Variants in SEC22C observed in about 807,000 individuals in gnomAD.
SEC22C encodes the protein SEC22 homolog C, vesicle trafficking protein, also known as vesicle-trafficking protein SEC22c.
Under a neutral mutation model 34.7 loss-of-function variants are expected in SEC22C, and 29 were observed. The ratio of observed to expected loss-of-function variants is 0.84; its 90% confidence interval spans 0.62 to 1.14. The LOEUF (loss-of-function observed/expected upper bound fraction) is 1.14, where lower values mean the gene tolerates loss of function less well. SEC22C is among the 50% of genes most tolerant of loss of function. The pLI is 0.00. For missense variants in SEC22C, 337 were observed against 369.0 expected (o/e 0.91, Z 0.71); for synonymous variants, 117 against 132.8 (o/e 0.88, Z 0.82).
intron 4 of SEC22C, among the ~76,000 whole-genome samples, chr3:42,560,204 T>C (rs941661466): frequency 6.8e-6 from 1 of 146,322 alleles, no homozygotes; most frequent in African/African-American, 2.5e-5. Flanking sequence ...ATATATAATA[T>C]ATATAATACC....
intron 1 of SEC22C, among the ~76,000 whole-genome samples, chr3:42,599,824 T>C (rs1006683787): frequency 1.3e-5 from 2 of 152,218 alleles, no homozygotes; most frequent in Admixed American, 1.3e-4. Context: ...ACTTACACGT[T>C]AAAGACTATG....
chr3:42,591,503 CT>C (rs754142063), intron 1 of SEC22C: 1 of 1,603,034 alleles, frequency 6.2e-7, no homozygotes, highest in Non-Finnish European at 8.5e-7. Flanking sequence ...TGCACTGACC[CT>C]TTCTTTCTCT....
At chr3:42,578,412 G>C (rs1032405498) in intron 1 of SEC22C, among the ~76,000 whole-genome samples, 4 of 152,158 alleles carry the variant, frequency 2.6e-5, no homozygotes, top group African/African-American at 4.8e-5. Flanking sequence ...AGAGGTTAGG[G>C]ATGGTAGAGA....
At chr3:42,567,168 C>T (rs1703302997) in intron 2 of SEC22C, among the ~76,000 whole-genome samples, 1 of 152,194 alleles carries the variant, frequency 6.6e-6, no homozygotes, top group Non-Finnish European at 1.5e-5. Flanking sequence ...TCCCAAAGTG[C>T]TGGGATTACA....
At chr3:42,590,663 C>T in intron 1 of SEC22C, 2 of 599,086 alleles carry the variant, frequency 3.3e-6, no homozygotes, top group South Asian at 2.0e-5. Flanking sequence ...CAGCCCCAAC[C>T]CACAAGTTTC....
At position 42,552,937 on chromosome 3, in the gene SEC22C, T is replaced by C. The variant is rs1361499247; in HGVS notation, c.*311A>G. On this transcript the variant is annotated 3_prime_UTR_variant, in exon 7 of 7. Coordinates refer to ENST00000264454, the MANE Select transcript of SEC22C (RefSeq NM_032970.4). ...AAGTGGTTTACTGTATCATTCAACT[T>C]AAAAGACCAAAATATTTCCTTTCTC... 1 of 1,133,838 alleles carries C rather than the reference T, an allele frequency of 8.8e-7. No individual in the cohort carries two copies. Among genetic ancestry groups the C allele is most frequent in the Non-Finnish European group, 1.1e-6 (1 of 921,420 alleles). 70.2% of individuals were successfully genotyped at this position (1,133,838 alleles called of 1,614,324 possible).
intron 4 of SEC22C, 55 bp from the exon 5 acceptor site, chr3:42,557,751 A>ATTTTT: frequency 1.1e-6 from 1 of 875,260 alleles, no homozygotes; most frequent in Non-Finnish European, 1.9e-6. Context: ...ACATGAAAGA[A>ATTTTT]AAATAAACGA....
chr3:42,576,632 A>G (rs1703980946), intron 1 of SEC22C, among the ~76,000 whole-genome samples: 1 of 152,148 alleles, frequency 6.6e-6, no homozygotes, highest in African/African-American at 2.4e-5. Flanking sequence ...TCAAAGTGCT[A>G]AATAAATGGG....
intron 4 of SEC22C, among the ~76,000 whole-genome samples, chr3:42,558,424 G>A (rs1427946238): frequency 6.7e-6 from 1 of 150,228 alleles, no homozygotes; most frequent in Non-Finnish European, 1.5e-5. Flanking sequence ...GGAGGTTGAG[G>A]CTGCAGTGAG....
In SEC22C at chr3:42,565,221, T is replaced by C. The variant is rs564877049; in HGVS notation, c.183-1535A>G. ...TCTTAGGATTTCTTTCTTTCAAGAT[T>C]AACTACACATTTAAAGTAATTGTCG... On this transcript the variant is annotated intron_variant, in intron 2 of 6. Coordinates refer to ENST00000264454, the MANE Select transcript of SEC22C (RefSeq NM_032970.4). Among the ~76,000 whole-genome samples the C allele has an allele frequency of 2.8e-3, 433 of 152,346 alleles. 1 individual carries two copies. The highest frequency in any genetic ancestry group is 5.4e-3 in the Non-Finnish European group (364 of 68,024).
At chr3:42,560,172 T>A (rs961406310) in intron 4 of SEC22C, among the ~76,000 whole-genome samples, 20 of 145,480 alleles carry the variant, frequency 1.4e-4, no homozygotes, top group Non-Finnish European at 2.4e-4. Context: ...TATATATATT[T>A]TATATATAAT....
At chr3:42,569,860 C>T (rs771702345) in intron 1 of SEC22C, among the ~76,000 whole-genome samples, 2 of 152,176 alleles carry the variant, frequency 1.3e-5, no homozygotes, top group Non-Finnish European at 2.9e-5. Flanking sequence ...AGGCCTGCAC[C>T]ATTTCTGCTA....
exon 1 of SEC22C, chr3:42,601,007 A>G: frequency 6.4e-7 from 1 of 1,563,222 alleles, no homozygotes. Context: ...CTCGGTCGCG[A>G]TGGGGGCGCA....
At chr3:42,591,038 G>A in intron 1 of SEC22C, 2 of 1,495,576 alleles carry the variant, frequency 1.3e-6, no homozygotes, top group Non-Finnish European at 1.8e-6. Flanking sequence ...GGTGCGAGAA[G>A]CATCCTGTAG....
At chr3:42,590,068 G>C (rs781525194) in intron 1 of SEC22C, among the ~76,000 whole-genome samples, 6 of 152,208 alleles carry the variant, frequency 3.9e-5, no homozygotes, top group Admixed American at 1.3e-4. Context: ...CTGTAAAATG[G>C]AGAAAATACC....
rs932754172 is a variant in SEC22C at position 42,551,275 on chromosome 3, T to C, written c.*1973A>G. 6 of 985,350 alleles carry C rather than the reference T, an allele frequency of 6.1e-6. No individual in the cohort carries two copies. Among genetic ancestry groups the C allele is most frequent in the African/African-American group, 3.5e-5 (2 of 57,244 alleles). The allele number at this position is 985,350 out of a possible 1,614,324, so 61.0% of individuals were successfully genotyped here. ...CACCTGCTGGGTATGCAGAAAATTATGCAGATGTGAAATCAGTGTAGAGAC... is the reference window on the plus strand; with the variant it reads ...CACCTGCTGGGTATGCAGAAAATTACGCAGATGTGAAATCAGTGTAGAGAC... On this transcript the variant is annotated 3_prime_UTR_variant, in exon 7 of 7. Transcript: ENST00000264454.
intron 2 of SEC22C, chr3:42,565,710 A>G (rs767540092): frequency 7.3e-5 from 22 of 302,240 alleles, no homozygotes; most frequent in Non-Finnish European, 1.2e-4. Context: ...TGACTGCCAG[A>G]AAGTAGCAGA....
At chr3:42,590,327 C>A (rs1704774891) in intron 1 of SEC22C, among the ~76,000 whole-genome samples, 1 of 152,166 alleles carries the variant, frequency 6.6e-6, no homozygotes, top group Non-Finnish European at 1.5e-5. Context: ...GTGCCAGACA[C>A]GCTGGGTGAA....
intron 4 of SEC22C, among the ~76,000 whole-genome samples, chr3:42,560,120 CTATA>C (rs534462968): frequency 0.064 from 5,937 of 92,814 alleles, 433 homozygotes; most frequent in African/African-American, 0.23. Flanking sequence ...CTCTCTCTCT[CTATA>C]TATATATATA....
Sources: gnomAD v4.1 joint callset for allele counts (sites outside exome capture counted in the v4.1 genomes callset) on GRCh38, gnomAD v4.1.1 for gene constraint, MANE v1.5 for transcripts, NCBI Gene and HGNC (gene_info 2026-07-23, HGNC 2026-07-21) for gene names.